Variants in SP4 observed in about 807,000 individuals in gnomAD.
SP4 encodes the protein Sp4 transcription factor, also known as transcription factor Sp4.
A neutral mutation model predicts 72.8 loss-of-function variants in SP4; 19 were observed. The ratio of observed to expected loss-of-function variants is 0.26; its 90% CI spans 0.18 to 0.38. The LOEUF is 0.38. Among genes scored for constraint, SP4 ranks in the 10% least tolerant of loss-of-function variants. The pLI, the probability that SP4 is intolerant of heterozygous loss-of-function variation, is 1.00. For synonymous variants in SP4, 395 were observed against 333.1 expected, an observed-to-expected ratio of 1.19 and a Z score of -2.02; for missense variants, 1,008 against 926.3, an observed-to-expected ratio of 1.09 and a Z score of -1.14.
At chr7:21,498,032 C>G (rs1781766954) in intron 5 of SP4, among the ~76,000 whole-genome samples, 1 of 152,078 alleles carries the variant, frequency 6.6e-6, no homozygotes, top group African/African-American at 2.4e-5. Context: ...CCCCTTCAAC[C>G]TCGCCTTACT....
At chr7:21,500,858 T>A (rs554053413) in intron 5 of SP4, among the ~76,000 whole-genome samples, 4 of 152,192 alleles carry the variant, frequency 2.6e-5, no homozygotes, top group Non-Finnish European at 5.9e-5. Context: ...ATCTGCACAG[T>A]CCCTTTTACC....
intron 3 of SP4, among the ~76,000 whole-genome samples, chr7:21,432,935 G>A (rs959666442): frequency 2.0e-5 from 3 of 152,122 alleles, no homozygotes; most frequent in Non-Finnish European, 2.9e-5. Flanking sequence ...TCCAGGCTGC[G>A]GTGAGCTGTG....
chr7:21,456,240 G>A (rs1194315422), intron 3 of SP4, among the ~76,000 whole-genome samples: 3 of 152,158 alleles, frequency 2.0e-5, no homozygotes, highest in African/African-American at 7.2e-5. Flanking sequence ...AAAGCAAGTG[G>A]GTAAGGTCTT....
At chr7:21,508,658 C>T (rs1030878195) in intron 5 of SP4, among the ~76,000 whole-genome samples, 4 of 152,014 alleles carry the variant, frequency 2.6e-5, no homozygotes, top group Non-Finnish European at 5.9e-5. Flanking sequence ...TTTAAGTAGG[C>T]CACTGCCTCC....
chr7:21,508,807 CT>C (rs11418275), intron 5 of SP4, among the ~76,000 whole-genome samples: 6,460 of 111,476 alleles, frequency 0.058, 110 homozygotes, highest in Non-Finnish European at 0.066. Flanking sequence ...TGTCTACACA[CT>C]TTTTTTTTTT....
Position 21,430,584 on chromosome 7 carries a change from G to C in SP4, c.1419G>C (p.Gln473His). Residue 473 changes from glutamine to histidine, a missense_variant, in exon 3 of 6, where the codon CAG becomes CAC. Gln to His is a conservative substitution (Grantham distance 24). Around this residue, in one of 3 missense-constraint regions of SP4, gnomAD observed 893 missense variants for 743.3 expected, o/e 1.20. Transcript: ENST00000222584. ...GGCAAATCAGTTGGCAAACTGTACAGGTTCAGAATATTCAGAGTCTTTCAA... is the reference window on the plus strand; with the variant it reads ...GGCAAATCAGTTGGCAAACTGTACACGTTCAGAATATTCAGAGTCTTTCAA... ...PSGQISWQTV[Q>H]VQNIQSLSNL... 1.2e-6 allele frequency: 2 copies of C among 1,614,212 alleles called. No homozygotes were observed. Among genetic ancestry groups the C allele is most frequent in the Non-Finnish European group, 1.7e-6 (2 of 1,180,042 alleles).
chr7:21,474,612 A>G (rs1483448413), intron 3 of SP4, among the ~76,000 whole-genome samples: 1 of 152,226 alleles, frequency 6.6e-6, no homozygotes, highest in Non-Finnish European at 1.5e-5. Context: ...TTGCTTTATA[A>G]TTTATATAGC....
intron 3 of SP4, among the ~76,000 whole-genome samples, chr7:21,462,718 T>C (rs1583409581): frequency 6.6e-6 from 1 of 152,216 alleles, no homozygotes; most frequent in South Asian, 2.1e-4. Context: ...AGAACTGAAC[T>C]TAGGGTTACA....
chr7:21,483,478 A>G (rs1416720348), intron 5 of SP4, among the ~76,000 whole-genome samples: 1 of 151,878 alleles, frequency 6.6e-6, no homozygotes, highest in Admixed American at 6.6e-5. Context: ...AATTTCTTCT[A>G]ATAGCTTTAA....
chr7:21,428,203 C>CCCCCCCCCCAA lies in SP4; in HGVS notation c.-49_-48insCCCCCCCCCAA. 1 of 1,216,720 alleles carries CCCCCCCCCCAA rather than the reference C, an allele frequency of 8.2e-7. No homozygotes were observed. 75.4% of individuals were successfully genotyped at this position (1,216,720 alleles called of 1,614,324 possible). On this transcript the variant is annotated 5_prime_UTR_variant, in exon 1 of 6. Coordinates refer to ENST00000222584, the MANE Select transcript of SP4 (RefSeq NM_003112.5). ...CTCCCGCCTCGCCCCCACCCCCACC[C>CCCCCCCCCCAA]ACCTCTATCCCAGTGTCTCCGTCTG... is the stretch of plus-strand genomic sequence containing the variant.
In SP4 at chr7:21,430,552, C is replaced by A. The variant is rs754239173; in HGVS notation, c.1387C>A (p.Pro463Thr). Reference sequence around the variant, plus strand: ...GCTTATCAGGGCTCCAACTTTAACACCTTCAGGGCAAATCAGTTGGCAAAC... The same window carrying A: ...GCTTATCAGGGCTCCAACTTTAACAACTTCAGGGCAAATCAGTTGGCAAAC... ...QVLIRAPTLT[P>T]SGQISWQTVQ... Residue 463 changes from proline to threonine, a missense_variant, in exon 3 of 6, where the codon CCT (proline) becomes ACT (threonine). Physicochemically the swap from Pro to Thr is conservative, Grantham distance 38 (BLOSUM62 -1). Around this residue, in one of 3 missense-constraint regions of SP4, gnomAD observed 893 missense variants for 743.3 expected, o/e 1.20. Coordinates refer to ENST00000222584, the MANE Select transcript of SP4 (RefSeq NM_003112.5). The A allele has an allele frequency of 1.2e-6, 2 of 1,614,188 alleles. No individual in the cohort carries two copies. Among genetic ancestry groups the A allele is most frequent in the South Asian group, 1.1e-5 (1 of 91,088 alleles).
At chr7:21,482,379 T>C (rs1184953837) in intron 5 of SP4, among the ~76,000 whole-genome samples, 1 of 152,198 alleles carries the variant, frequency 6.6e-6, no homozygotes, top group Admixed American at 6.5e-5. Context: ...TATTGTAATC[T>C]TAGCATGTTG....
At chr7:21,485,477 A>G (rs902062458) in intron 5 of SP4, among the ~76,000 whole-genome samples, 4 of 152,014 alleles carry the variant, frequency 2.6e-5, no homozygotes, top group East Asian at 1.9e-4. Context: ...TATTTTAACT[A>G]TTTTTGCATT....
intron 3 of SP4, among the ~76,000 whole-genome samples, chr7:21,449,532 T>C (rs1337480695): frequency 6.6e-6 from 1 of 152,214 alleles, no homozygotes; most frequent in Non-Finnish European, 1.5e-5. Context: ...CTGAAATACA[T>C]ATGCGTGTAT....
At chr7:21,475,547 C>G (rs1472880149) in intron 3 of SP4, among the ~76,000 whole-genome samples, 1 of 152,078 alleles carries the variant, frequency 6.6e-6, no homozygotes, top group Non-Finnish European at 1.5e-5. Context: ...AGCTCTGCCT[C>G]CCAGGTTCAT....
chr7:21,503,618 A>G (rs1317410097), intron 5 of SP4, among the ~76,000 whole-genome samples: 1 of 152,180 alleles, frequency 6.6e-6, no homozygotes, highest in Non-Finnish European at 1.5e-5. Context: ...CTGTTTTAAT[A>G]TTATTTTGAC....
rs1168127940 is a variant in SP4 at position 21,482,072 on chromosome 7, A to G, written c.2056A>G (p.Lys686Glu). The G allele has an allele frequency of 6.2e-7, 1 of 1,613,990 alleles. No homozygotes were observed. The highest frequency in any genetic ancestry group is 8.5e-7 in the Non-Finnish European group (1 of 1,179,948). ...PFICNWMFCG[K>E]RFTRSDELQR... ...TATATGCAACTGGATGTTTTGTGGC[A>G]AAAGATTCACACGGAGTGATGAGCT... Residue 686 changes from lysine to glutamate, a missense_variant, in exon 5 of 6, where the codon AAA becomes GAA. Physicochemically the swap from Lys to Glu is moderately conservative, Grantham distance 56. This residue lies in a region of SP4 where 48 missense variants were observed against 117.0 expected (regional missense o/e 0.41). Transcript: ENST00000222584.
intron 3 of SP4, among the ~76,000 whole-genome samples, chr7:21,451,129 T>G (rs1436397909): frequency 1.3e-5 from 2 of 152,216 alleles, no homozygotes; most frequent in African/African-American, 4.8e-5. Context: ...GTTGAAGTTT[T>G]ATGCATGCTC....
At chr7:21,477,534 C>T (rs1295730789) in intron 4 of SP4, among the ~76,000 whole-genome samples, 1 of 151,920 alleles carries the variant, frequency 6.6e-6, no homozygotes, top group Non-Finnish European at 1.5e-5. Context: ...TCTTTCTTCC[C>T]CACCCCTCCC....
Sources: allele counts gnomAD v4.1 joint callset (sites outside exome capture counted in the v4.1 genomes callset), GRCh38; gene constraint gnomAD v4.1.1; regional missense constraint gnomAD v4.1.1; transcripts MANE v1.5; gene names NCBI Gene and HGNC (gene_info 2026-07-23, HGNC 2026-07-21).